The following CSMD1 variants were observed in gnomAD, a reference collection of about 807,000 sequenced individuals.
The protein encoded by CSMD1 is CUB and sushi domain-containing protein 1.
In CSMD1, 213 loss-of-function variants were observed where a neutral mutation model predicts 417.5. That is an observed-to-expected ratio of 0.51 (90% CI 0.46 to 0.57). CSMD1 has a LOEUF of 0.57. CSMD1 is among the 20% of genes least tolerant of loss of function. The pLI is 0.00. For missense variants in CSMD1, 6,923 were observed against 4,529.7 expected (o/e 1.53, Z -15.17); for synonymous variants, 2,862 against 1,736.8 (o/e 1.65, Z -16.11).
chr8:4,280,461 T>C (rs1282027215), intron 3 of CSMD1, among the ~76,000 whole-genome samples: 4 of 152,226 alleles, frequency 2.6e-5, no homozygotes, highest in Non-Finnish European at 5.9e-5. Context: ...AGCACTTGCA[T>C]ACATCACTGT....
At chr8:3,906,485 G>A (rs989003592) in intron 5 of CSMD1, among the ~76,000 whole-genome samples, 5 of 152,116 alleles carry the variant, frequency 3.3e-5, no homozygotes, top group South Asian at 2.1e-4. Flanking sequence ...TGGACAAAGT[G>A]TATCCGATAA....
intron 3 of CSMD1, among the ~76,000 whole-genome samples, chr8:4,066,165 C>T (rs1284785156): frequency 6.6e-6 from 1 of 152,212 alleles, no homozygotes; most frequent in Non-Finnish European, 1.5e-5. Context: ...CCCATTATTT[C>T]TAAAGATTCA....
chr8:4,602,451 G>A (rs1386645359), intron 2 of CSMD1, among the ~76,000 whole-genome samples: 3 of 152,158 alleles, frequency 2.0e-5, no homozygotes, highest in Non-Finnish European at 4.4e-5. Flanking sequence ...AAGGAGGACA[G>A]CTGAAACCTT....
intron 7 of CSMD1, among the ~76,000 whole-genome samples, chr8:3,634,524 T>C (rs1408707417): frequency 1.3e-5 from 2 of 152,172 alleles, no homozygotes; most frequent in African/African-American, 4.8e-5. Flanking sequence ...ACTCTGCCCA[T>C]GTACCTCTTC....
intron 2 of CSMD1, among the ~76,000 whole-genome samples, chr8:4,443,785 G>C (rs1431963004): frequency 6.6e-6 from 1 of 152,140 alleles, no homozygotes; most frequent in African/African-American, 2.4e-5. Context: ...TACCAAGTGT[G>C]ATCTGTGTCA....
chr8:4,694,661 C>T (rs780795384), intron 1 of CSMD1, among the ~76,000 whole-genome samples: 6 of 152,044 alleles, frequency 3.9e-5, no homozygotes, highest in Non-Finnish European at 7.4e-5. Flanking sequence ...CCGCGCCCAG[C>T]CCAATGTACT....
rs191662223 is a variant in CSMD1, at chr8:4,681,607, A to G, written c.86-44049T>C. ...CGACGAGTGGAACTCGAGCCTGGTAAATATTACTCTGTGGCTTCACTATGT... is the reference window on the plus strand; with the variant it reads ...CGACGAGTGGAACTCGAGCCTGGTAGATATTACTCTGTGGCTTCACTATGT... On this transcript the variant is annotated intron_variant, in intron 1 of 69. Coordinates refer to ENST00000635120, the MANE Select transcript of CSMD1 (RefSeq NM_033225.6). 1.5e-3 allele frequency among the ~76,000 whole-genome samples: 234 copies of G among 152,216 alleles called. 1 individual carries two copies. The highest frequency in any genetic ancestry group is 2.7e-3 in the Non-Finnish European group (185 of 68,012).
chr8:4,234,145 T>C (rs934309655), intron 3 of CSMD1, among the ~76,000 whole-genome samples: 9 of 152,148 alleles, frequency 5.9e-5, no homozygotes, highest in African/African-American at 9.7e-5. Context: ...TTATTCTTCA[T>C]AGGACTGAGC....
intron 9 of CSMD1, among the ~76,000 whole-genome samples, chr8:3,584,574 G>A (rs1471585326): frequency 6.6e-6 from 1 of 152,080 alleles, no homozygotes; most frequent in African/African-American, 2.4e-5. Flanking sequence ...ACTGAGAAAG[G>A]GCTTTGAGTT....
rs558253893 is a variant in CSMD1, at chr8:4,484,814, C to CA, written c.303-64750dup. Among the ~76,000 whole-genome samples the CA allele has an allele frequency of 8.5e-3, 1,268 of 149,824 alleles. 10 individuals are homozygous for CA. The highest frequency in any genetic ancestry group is 0.029 in the African/African-American group (1,180 of 40,864). On this transcript the variant is annotated intron_variant, in intron 2 of 69. Coordinates refer to ENST00000635120, the MANE Select transcript of CSMD1 (RefSeq NM_033225.6). ...GAAACCCCGTCTCTACTAAAAAATA[C>CA]AAAAAAAAATTAGCCGGGCATGGTG...
intron 23 of CSMD1, among the ~76,000 whole-genome samples, chr8:3,313,883 A>ATGAT (rs1408574112): frequency 2.6e-5 from 4 of 152,330 alleles, no homozygotes; most frequent in South Asian, 4.1e-4. Flanking sequence ...ATGTCCAACA[A>ATGAT]TGATAGACTG....
At chr8:3,843,296 T>A (rs968251745) in intron 5 of CSMD1, among the ~76,000 whole-genome samples, 1 of 152,226 alleles carries the variant, frequency 6.6e-6, no homozygotes, top group Non-Finnish European at 1.5e-5. Context: ...TGAGTTTATC[T>A]TTTTATACTA....
intron 3 of CSMD1, among the ~76,000 whole-genome samples, chr8:4,101,152 C>A (rs984168708): frequency 6.6e-6 from 1 of 152,208 alleles, no homozygotes; most frequent in Non-Finnish European, 1.5e-5. Flanking sequence ...TTAAGAACCA[C>A]TCTATACTGT....
intron 2 of CSMD1, among the ~76,000 whole-genome samples, chr8:4,508,957 G>A (rs1360151166): frequency 6.6e-6 from 1 of 152,150 alleles, no homozygotes; most frequent in Non-Finnish European, 1.5e-5. Flanking sequence ...TGTGAGGGCA[G>A]CCTGAGCTTT....
intron 2 of CSMD1, among the ~76,000 whole-genome samples, chr8:4,594,799 T>G (rs527811675): frequency 8.5e-5 from 13 of 152,290 alleles, no homozygotes; most frequent in African/African-American, 3.1e-4. Flanking sequence ...TATCATCATA[T>G]TTCTGATGTT....
Position 3,887,233 on chromosome 8 carries a change from G to C in CSMD1, c.818+110670C>G, listed in dbSNP as rs956040063. On this transcript the variant is annotated intron_variant, in intron 5 of 69. Transcript: ENST00000635120. ...TCAACAAGGAACATCTTAGCCATGA[G>C]AAGGACATCAATGTTCTTGCACAGC... Among the ~76,000 whole-genome samples the C allele has an allele frequency of 1.1e-4, 17 of 152,166 alleles. 1 individual carries two copies. The highest frequency in any genetic ancestry group is 4.1e-4 in the African/African-American group (17 of 41,426).
At chr8:4,535,705 A>G (rs1797069544) in intron 2 of CSMD1, among the ~76,000 whole-genome samples, 2 of 152,166 alleles carry the variant, frequency 1.3e-5, no homozygotes, top group African/African-American at 4.8e-5. Flanking sequence ...TATTTACAAT[A>G]AGGTATTTGG....
intron 1 of CSMD1, among the ~76,000 whole-genome samples, chr8:4,682,261 G>T (rs890692257): frequency 6.6e-6 from 1 of 152,052 alleles, no homozygotes; most frequent in Admixed American, 6.6e-5. Context: ...AACTCCTGGG[G>T]CTAAAGCAAT....
At chr8:3,852,408 C>T (rs550173294) in intron 5 of CSMD1, among the ~76,000 whole-genome samples, 1 of 152,242 alleles carries the variant, frequency 6.6e-6, no homozygotes, top group South Asian at 2.1e-4. Context: ...TACAGTGAAC[C>T]ACACTCCCCT....
Sources: gnomAD v4.1 joint callset for allele counts (sites outside exome capture counted in the v4.1 genomes callset) on GRCh38, gnomAD v4.1.1 for gene constraint, MANE v1.5 for transcripts, NCBI Gene and HGNC (gene_info 2026-07-23, HGNC 2026-07-21) for gene names.